The following FBXW11 variants were observed in gnomAD, a reference collection of about 807,000 sequenced individuals.
The protein encoded by FBXW11 is F-box/WD repeat-containing protein 11.
FBXW11 carries 19 observed loss-of-function variants against 77.6 expected under a neutral mutation model. The ratio of observed to expected loss-of-function variants is 0.24; its 90% CI spans 0.17 to 0.36. The LOEUF is 0.36. FBXW11 is among the 10% of genes least tolerant of loss of function. The pLI is 1.00. For synonymous variants in FBXW11, 235 were observed against 249.4 expected (o/e 0.94, Z 0.54); for missense variants, 334 against 704.2 (o/e 0.47, Z 5.95).
intron 2 of FBXW11, among the ~76,000 whole-genome samples, chr5:171,936,498 CA>C (rs551599131): frequency 1.2e-3 from 76 of 63,844 alleles, no homozygotes; most frequent in Admixed American, 2.9e-3. Flanking sequence ...CCTGTCTCAC[CA>C]AAAAAAAAAA....
chr5:171,945,490 AACAG>A (rs1354421367), intron 2 of FBXW11, among the ~76,000 whole-genome samples: 4 of 152,200 alleles, frequency 2.6e-5, no homozygotes, highest in Non-Finnish European at 5.9e-5. Context: ...TCACATATAA[AACAG>A]ACAGAATAGT....
Position 171,957,677 on chromosome 5 carries a change from A to C in FBXW11, c.67T>G (p.Trp23Gly). Reference sequence around the variant, plus strand: ...TCTACCAGGTTGGCGCAGCCTAGCCACAAAGACCTTGGCACAGAACACTGC... The same window carrying C: ...TCTACCAGGTTGGCGCAGCCTAGCCCCAAAGACCTTGGCACAGAACACTGC... ...ELMCSVPRSL[W>G]LGCANLVESM... The change falls in exon 2 of 14, where the codon TGG becomes GGG. Residue 23 changes from tryptophan to glycine, a missense_variant. Physicochemically the swap from Trp to Gly is radical, Grantham distance 184 (BLOSUM62 -2). Transcript: ENST00000517395. 1 of 1,614,178 alleles carries C rather than the reference A, an allele frequency of 6.2e-7. No homozygotes were observed. Among genetic ancestry groups the C allele is most frequent in the Non-Finnish European group, 8.5e-7 (1 of 1,179,998 alleles).
At chr5:171,916,603 T>C in intron 2 of FBXW11, 1 of 340,294 alleles carries the variant, frequency 2.9e-6, no homozygotes. Context: ...CATTGCTATC[T>C]TGAAGGGACC....
At chr5:171,970,253 C>T (rs1764448872) in intron 1 of FBXW11, among the ~76,000 whole-genome samples, 1 of 152,122 alleles carries the variant, frequency 6.6e-6, no homozygotes. Context: ...GAGGCAGTCT[C>T]CCCCATTCTG....
At chr5:171,919,361 CTAAG>C (rs1761442005) in intron 2 of FBXW11, among the ~76,000 whole-genome samples, 1 of 152,130 alleles carries the variant, frequency 6.6e-6, no homozygotes, top group Non-Finnish European at 1.5e-5. Flanking sequence ...TAGCACCAAC[CTAAG>C]TAAGGAAGCT....
chr5:171,990,938 A>G (rs949483243), intron 1 of FBXW11, among the ~76,000 whole-genome samples: 2 of 151,862 alleles, frequency 1.3e-5, no homozygotes, highest in African/African-American at 4.8e-5. Context: ...CGATTCTCCT[A>G]CCTCAGCCTC....
intron 9 of FBXW11, among the ~76,000 whole-genome samples, chr5:171,873,692 A>G (rs978162396): frequency 2.6e-5 from 4 of 152,138 alleles, no homozygotes; most frequent in Non-Finnish European, 5.9e-5. Flanking sequence ...TTTCCAGCAT[A>G]TTTTCTGGAA....
intron 1 of FBXW11, among the ~76,000 whole-genome samples, chr5:171,959,807 G>A (rs917813435): frequency 2.0e-5 from 3 of 148,148 alleles, no homozygotes; most frequent in Non-Finnish European, 4.4e-5. Context: ...CCAAGACCAC[G>A]CCACTGCACT....
Position 171,876,303 on chromosome 5 carries a change from A to G in FBXW11, c.1203T>C (p.Ser401=), listed in dbSNP as rs756315604. ...DFDDKYIVSA[S]GDRTIKVWST... ...TACTTACTTTGATGGTCCTGTCACCAGAGGCAGACACGATGTACTTGTCGT... is the reference window on the plus strand; with the variant it reads ...TACTTACTTTGATGGTCCTGTCACCGGAGGCAGACACGATGTACTTGTCGT... The change falls in exon 9 of 14, where the codon TCT becomes TCC. Residue 401 remains serine, a synonymous_variant. Transcript: ENST00000517395. The surrounding 1 kb of genome is among the most constrained non-coding windows in gnomAD (Gnocchi z 4.2). The G allele has an allele frequency of 1.1e-5, 17 of 1,614,124 alleles. No individual in the cohort carries two copies. Among genetic ancestry groups the G allele is most frequent in the Non-Finnish European group, 1.4e-5 (17 of 1,180,046 alleles).
chr5:171,909,024 C>T (rs1760712353), intron 4 of FBXW11, among the ~76,000 whole-genome samples: 1 of 152,146 alleles, frequency 6.6e-6, no homozygotes, highest in Non-Finnish European at 1.5e-5. Context: ...CTACACTGGC[C>T]ACATCAGAGG....
intron 1 of FBXW11, among the ~76,000 whole-genome samples, chr5:171,966,058 A>G (rs951401693): frequency 6.6e-6 from 1 of 152,182 alleles, no homozygotes; most frequent in African/African-American, 2.4e-5. Flanking sequence ...AAGTTTCCTA[A>G]GGCCTCCCAA....
At chr5:171,873,074 C>T in intron 9 of FBXW11, 84 bp from the exon 10 acceptor site, 1 of 1,094,330 alleles carries the variant, frequency 9.1e-7, no homozygotes, top group Non-Finnish European at 1.3e-6. Context: ...GACAGAGCTT[C>T]TGATAATGAC....
intron 2 of FBXW11, among the ~76,000 whole-genome samples, chr5:171,927,276 T>G (rs958999915): frequency 6.6e-6 from 1 of 152,250 alleles, no homozygotes; most frequent in African/African-American, 2.4e-5. Context: ...GGACTACATA[T>G]GTGGATTAGT....
intron 1 of FBXW11, 132 bp downstream of exon 1, chr5:172,006,326 G>A (rs1433613756): frequency 2.7e-6 from 2 of 740,450 alleles, no homozygotes; most frequent in Non-Finnish European, 4.0e-6. Flanking sequence ...GGCCAGGGAA[G>A]GCTGGGGGCC....
Position 171,913,393 on chromosome 5 carries a change from T to C in FBXW11, c.210+950A>G, listed in dbSNP as rs184839454. ...CTAAAGTGTGAAGAACCACTGCCAA[T>C]TGAAAAATCATAGTAAATGAAGAGC... On this transcript the variant is annotated intron_variant, in intron 3 of 13. Coordinates refer to ENST00000517395, the MANE Select transcript of FBXW11 (RefSeq NM_001378974.1). Among the ~76,000 whole-genome samples the C allele has an allele frequency of 2.4e-3, 360 of 152,296 alleles. 1 individual carries two copies. The highest frequency in any genetic ancestry group is 4.2e-3 in the Non-Finnish European group (284 of 68,028).
At chr5:171,928,430 A>G (rs1024671680) in intron 2 of FBXW11, among the ~76,000 whole-genome samples, 6 of 152,230 alleles carry the variant, frequency 3.9e-5, no homozygotes, top group African/African-American at 4.8e-5. Flanking sequence ...AGGGACTCAG[A>G]ACAGACAACA....
intron 2 of FBXW11, among the ~76,000 whole-genome samples, chr5:171,936,575 A>G (rs1472837129): frequency 6.6e-6 from 1 of 151,958 alleles, no homozygotes; most frequent in Non-Finnish European, 1.5e-5. Context: ...AAACCTCTCT[A>G]TAAAAAGAAA....
intron 2 of FBXW11, among the ~76,000 whole-genome samples, chr5:171,932,723 T>G (rs1762277527): frequency 1.3e-5 from 2 of 152,024 alleles, no homozygotes; most frequent in African/African-American, 4.8e-5. Context: ...AAGTGAAAAC[T>G]AATATCCACA....
chr5:171,950,366 T>C (rs915125144), intron 2 of FBXW11, among the ~76,000 whole-genome samples: 13 of 151,896 alleles, frequency 8.6e-5, no homozygotes, highest in Admixed American at 8.5e-4. Flanking sequence ...ACACTTAAGA[T>C]TTTTGAACTT....
Sources: allele counts gnomAD v4.1 joint callset (sites outside exome capture counted in the v4.1 genomes callset), GRCh38; gene constraint gnomAD v4.1.1; non-coding constraint Gnocchi (gnomAD v3.1); transcripts MANE v1.5; gene names NCBI Gene and HGNC (gene_info 2026-07-23, HGNC 2026-07-21).